Variants in EFHD1 observed in about 807,000 individuals in gnomAD.
EFHD1 encodes EF-hand domain family member D1.
A neutral mutation model predicts 17.2 loss-of-function variants in EFHD1; 10 were observed. The ratio of observed to expected loss-of-function variants is 0.58; its 90% CI spans 0.36 to 0.99. EFHD1 has a LOEUF of 0.99. EFHD1 is among the 50% of genes least tolerant of loss of function. EFHD1 has a pLI of 0.01. For missense variants in EFHD1, 310 were observed against 327.5 expected, an observed-to-expected ratio of 0.95 and a Z score of 0.41; for synonymous variants, 153 against 142.0, an observed-to-expected ratio of 1.08 and a Z score of -0.55.
chr2:232,628,130 G>A (rs1033922512), intron 1 of EFHD1, among the ~76,000 whole-genome samples: 19 of 152,064 alleles, frequency 1.2e-4, no homozygotes, highest in African/African-American at 3.4e-4. Flanking sequence ...ACGTGATCTC[G>A]GCTTACTGCA....
At chr2:232,671,482 T>G (rs986659778) in intron 2 of EFHD1, among the ~76,000 whole-genome samples, 4 of 151,800 alleles carry the variant, frequency 2.6e-5, no homozygotes, top group Non-Finnish European at 4.4e-5. Flanking sequence ...TCCCAGCACT[T>G]TGGGAGGCCG....
intron 1 of EFHD1, among the ~76,000 whole-genome samples, chr2:232,646,963 T>C (rs1000117442): frequency 4.6e-5 from 7 of 152,230 alleles, no homozygotes; most frequent in Admixed American, 3.9e-4. Flanking sequence ...TGATGACTGC[T>C]GAGAGGAGCT....
chr2:232,621,429 G>A (rs897452427), intron 1 of EFHD1, among the ~76,000 whole-genome samples: 9 of 146,810 alleles, frequency 6.1e-5, no homozygotes, highest in Non-Finnish European at 9.0e-5. Context: ...TCTAAGTCTT[G>A]TGATTGGTAT....
chr2:232,615,043 G>T (rs1693896390), intron 1 of EFHD1, among the ~76,000 whole-genome samples: 1 of 151,986 alleles, frequency 6.6e-6, no homozygotes, highest in African/African-American at 2.4e-5. Flanking sequence ...GGCTGGAGTT[G>T]CTATGGCAGG....
intron 3 of EFHD1, among the ~76,000 whole-genome samples, chr2:232,678,644 G>A (rs759533138): frequency 6.6e-6 from 1 of 152,114 alleles, no homozygotes. Context: ...TTAGCTGGGC[G>A]TGTTGCCGCA....
At chr2:232,650,731 G>T (rs11683187) in intron 1 of EFHD1, among the ~76,000 whole-genome samples, 1,893 of 151,126 alleles carry the variant, frequency 0.013, 23 homozygotes, top group Non-Finnish European at 0.022. Flanking sequence ...ACTATGCCTG[G>T]CTAATTTTTG....
chr2:232,624,428 C>G (rs1325951947), intron 1 of EFHD1, among the ~76,000 whole-genome samples: 2 of 152,246 alleles, frequency 1.3e-5, no homozygotes, highest in Non-Finnish European at 2.9e-5. Context: ...TTAAAAGCTC[C>G]CCTATTCTTG....
chr2:232,638,917 A>G (rs559928183), intron 1 of EFHD1, among the ~76,000 whole-genome samples: 1 of 152,252 alleles, frequency 6.6e-6, no homozygotes, highest in African/African-American at 2.4e-5. Flanking sequence ...GCTTGTCTGA[A>G]TTCTGGAGGA....
chr2:232,607,406 G>A (rs1376243492), intron 1 of EFHD1, among the ~76,000 whole-genome samples: 2 of 149,742 alleles, frequency 1.3e-5, no homozygotes, highest in Non-Finnish European at 3.0e-5. Context: ...TGGCCAACAT[G>A]GTGAAGCCCC....
chr2:232,623,767 C>T (rs1172862666), intron 1 of EFHD1, among the ~76,000 whole-genome samples: 5 of 151,716 alleles, frequency 3.3e-5, no homozygotes, highest in Admixed American at 3.3e-4. Flanking sequence ...TGTTGGACAG[C>T]GCTGTCTTCG....
At chr2:232,666,569 C>T (rs1001924191) in intron 2 of EFHD1, among the ~76,000 whole-genome samples, 17 of 152,216 alleles carry the variant, frequency 1.1e-4, no homozygotes, top group African/African-American at 4.1e-4. Flanking sequence ...AGGTGCTCCT[C>T]CCTGAATCCA....
At chr2:232,623,692 A>G (rs760806932) in intron 1 of EFHD1, among the ~76,000 whole-genome samples, 1,433 of 101,568 alleles carry the variant, frequency 0.014, 8 homozygotes, top group Non-Finnish European at 0.021. Context: ...AAAAAAAAAA[A>G]AAGAAGAAGA....
At chr2:232,615,332 T>A (rs1574699708) in intron 1 of EFHD1, among the ~76,000 whole-genome samples, 1 of 142,248 alleles carries the variant, frequency 7.0e-6, no homozygotes, top group South Asian at 2.2e-4. Flanking sequence ...TGTGTGTGTG[T>A]GTGTGTGTGT....
intron 1 of EFHD1, among the ~76,000 whole-genome samples, chr2:232,656,863 C>T (rs1203046676): frequency 2.0e-5 from 3 of 152,218 alleles, no homozygotes; most frequent in Non-Finnish European, 4.4e-5. Flanking sequence ...ACTGTAGCCT[C>T]AAACTCTTGT....
intron 1 of EFHD1, among the ~76,000 whole-genome samples, chr2:232,608,757 C>T (rs1222508664): frequency 6.6e-6 from 1 of 151,890 alleles, no homozygotes; most frequent in South Asian, 2.1e-4. Context: ...GGTGAAACCC[C>T]GTCTATACTA....
intron 1 of EFHD1, among the ~76,000 whole-genome samples, chr2:232,623,673 CAAAAAAA>C (rs756932393): frequency 1.2e-5 from 1 of 86,652 alleles, no homozygotes; most frequent in Non-Finnish European, 2.4e-5. Flanking sequence ...AGTCTCTGTC[CAAAAAAA>C]AAAAAAAAAA....
intron 1 of EFHD1, among the ~76,000 whole-genome samples, chr2:232,607,864 C>T (rs1183902959): frequency 6.6e-6 from 1 of 150,502 alleles, no homozygotes; most frequent in African/African-American, 2.4e-5. Context: ...GAGGCCAAGT[C>T]GGGAGGACAG....
At chr2:232,629,033 CGGATCCTGG>C (rs1383280717), upstream of EFHD1, among the ~76,000 whole-genome samples, 17 of 152,126 alleles carry the variant, frequency 1.1e-4, 1 homozygote. Context: ...GGAGCCGGCA[CGGATCCTGG>C]GACATGTGAG....
chr2:232,654,482 A>C (rs1694723106), intron 1 of EFHD1, among the ~76,000 whole-genome samples: 1 of 130,876 alleles, frequency 7.6e-6, no homozygotes, highest in Non-Finnish European at 1.6e-5. Flanking sequence ...GTGCAGTGGC[A>C]CAATCTTGGC....
Sources: allele counts gnomAD v4.1 joint callset (sites outside exome capture counted in the v4.1 genomes callset), GRCh38; gene constraint gnomAD v4.1.1; transcripts MANE v1.5; gene names NCBI Gene and HGNC (gene_info 2026-07-23, HGNC 2026-07-21).